Variants in SYT12 observed in about 807,000 individuals in gnomAD.
SYT12 encodes synaptotagmin-12.
In SYT12, 27 loss-of-function variants were observed where a neutral mutation model predicts 39.5. That is an observed-to-expected ratio of 0.68 (90% CI 0.50 to 0.94). The LOEUF is 0.94. Ranked by LOEUF, SYT12 falls within the 40% of genes least tolerant of loss-of-function variation. The pLI, the probability that SYT12 is intolerant of heterozygous loss-of-function variation, is 0.00. For synonymous variants in SYT12, 233 were observed against 239.7 expected (o/e 0.97, Z 0.26); for missense variants, 536 against 572.6 (o/e 0.94, Z 0.65).
At chr11:67,030,325 C>A in intron 2 of SYT12, 147 bp downstream of exon 2, 1 of 873,154 alleles carries the variant, frequency 1.1e-6, no homozygotes, top group South Asian at 1.7e-5. Context: ...TGCCCAAGGT[C>A]AGACAGCCCG....
Position 67,026,183 on chromosome 11 carries a change from G to A in SYT12, c.-24+2723G>A, listed in dbSNP as rs190140746. Among the ~76,000 whole-genome samples the A allele has an allele frequency of 1.9e-3, 286 of 152,330 alleles. 2 individuals carry two copies. Among genetic ancestry groups the A allele is most frequent in the African/African-American group, 6.6e-3 (276 of 41,564 alleles). On this transcript the variant is annotated intron_variant, in intron 1 of 7. Coordinates refer to ENST00000527043, the MANE Select transcript of SYT12 (RefSeq NM_177963.4). ...GAATGGAAGGATGGGAGCAGCCAGG[G>A]AAGGGGCAATGCCGACTTAGCTCCA...
intron 3 of SYT12, among the ~76,000 whole-genome samples, chr11:67,039,203 TG>T (rs1375573380): frequency 6.6e-6 from 1 of 151,756 alleles, no homozygotes; most frequent in Non-Finnish European, 1.5e-5. Context: ...CTCAGGAGGC[TG>T]AGGCAGGAGA....
chr11:67,034,532 C>T, intron 2 of SYT12, 113 bp from the exon 3 acceptor site: 1 of 895,064 alleles, frequency 1.1e-6, no homozygotes, highest in Non-Finnish European at 1.6e-6. Context: ...CAGCACCTAG[C>T]ACATAGTAGG....
At chr11:67,008,682 C>A (rs1463534166) in intron 1 of SYT12, among the ~76,000 whole-genome samples, 1 of 152,148 alleles carries the variant, frequency 6.6e-6, no homozygotes, top group Non-Finnish European at 1.5e-5. Context: ...TCCTGAGTAG[C>A]TGGAATTACA....
chr11:67,030,487 C>T (rs115737016), intron 2 of SYT12: 8 of 359,410 alleles, frequency 2.2e-5, no homozygotes, highest in Admixed American at 4.5e-5. Context: ...GCCTGTGACT[C>T]GGAATCCACT....
chr11:67,035,306 T>C (rs1242193440), intron 3 of SYT12, among the ~76,000 whole-genome samples: 1 of 151,452 alleles, frequency 6.6e-6, no homozygotes, highest in Non-Finnish European at 1.5e-5. Flanking sequence ...GGCCTGCTTT[T>C]TAACTGCTAA....
chr11:67,038,708 G>T (rs931543160), intron 3 of SYT12, among the ~76,000 whole-genome samples: 2 of 152,150 alleles, frequency 1.3e-5, no homozygotes, highest in African/African-American at 4.8e-5. Flanking sequence ...AAGTTGAAGG[G>T]CTGGGCGTGG....
At position 67,037,420 on chromosome 11, in the gene SYT12, A is replaced by C. The variant is rs146164671; in HGVS notation, c.229-2391A>C. Among the ~76,000 whole-genome samples the C allele has an allele frequency of 4.9e-3, 740 of 152,250 alleles. 2 individuals carry two copies. The highest frequency in any genetic ancestry group is 8.3e-3 in the Non-Finnish European group (564 of 68,012). ...GCAAAATTGGGGAACCATGAAAATTATGGTAAGCAGCCAGGTGCAGTGGCT... is the reference window on the plus strand; with the variant it reads ...GCAAAATTGGGGAACCATGAAAATTCTGGTAAGCAGCCAGGTGCAGTGGCT... On this transcript the variant is annotated intron_variant, in intron 3 of 7. Transcript: ENST00000527043.
chr11:67,020,013 C>A (rs1333236506), upstream of SYT12, among the ~76,000 whole-genome samples: 9 of 152,040 alleles, frequency 5.9e-5, no homozygotes, highest in Admixed American at 5.9e-4. Flanking sequence ...TCACTGACTC[C>A]ACGCACAGCA....
chr11:67,044,747 T>A, intron 6 of SYT12, 34 bp downstream of exon 6: 1 of 1,611,610 alleles, frequency 6.2e-7, no homozygotes, highest in Non-Finnish European at 8.5e-7. Flanking sequence ...CTCCTCCACG[T>A]AGCTCAGTGG....
At chr11:67,043,002 G>A (rs1394604442) in intron 4 of SYT12, among the ~76,000 whole-genome samples, 5 of 152,158 alleles carry the variant, frequency 3.3e-5, no homozygotes, top group South Asian at 2.1e-4. Context: ...GGATGAGAGC[G>A]CCTTTCTTTA....
At chr11:67,019,970 G>A (rs898827803), upstream of SYT12, among the ~76,000 whole-genome samples, 3 of 151,524 alleles carry the variant, frequency 2.0e-5, no homozygotes, top group Non-Finnish European at 2.9e-5. Context: ...GGCCTTGGGC[G>A]CCTTTTCTTT....
chr11:67,037,209 G>C (rs939995805), intron 3 of SYT12, among the ~76,000 whole-genome samples: 1 of 152,144 alleles, frequency 6.6e-6, no homozygotes, highest in African/African-American at 2.4e-5. Context: ...GTGCACTCTA[G>C]CCTGGGCAAC....
chr11:67,035,837 CCTTTCTTTCTTTCTTTCTTT>C (rs1157424282), intron 3 of SYT12, among the ~76,000 whole-genome samples: 4 of 111,144 alleles, frequency 3.6e-5, no homozygotes, highest in South Asian at 3.1e-4. Flanking sequence ...TTCCTTCCTT[CCTTTCTTTCTTTCTTTCTTT>C]CTTTCTTTCT....
chr11:67,044,639 C>A lies in SYT12; in HGVS notation c.884C>A (p.Pro295His). Residue 295 changes from proline (P) to histidine (H), a missense_variant, in exon 6 of 8, where the codon CCC (proline) becomes CAC (histidine). Pro to His is a moderately conservative substitution (Grantham distance 77). Transcript: ENST00000527043. ...GEILLSLSYL[P>H]TAERLTVVVV... ...ATCCTGCTCTCCCTCAGCTACCTCC[C>A]CACAGCCGAGCGCCTCACCGTGGTC... 3.1e-6 allele frequency: 5 copies of A among 1,613,588 alleles called. No homozygotes were observed. Among genetic ancestry groups the A allele is most frequent in the Non-Finnish European group, 3.4e-6 (4 of 1,180,002 alleles).
chr11:67,015,442 A>G (rs896997564), intron 3 of SYT12, among the ~76,000 whole-genome samples: 3 of 152,130 alleles, frequency 2.0e-5, no homozygotes, highest in African/African-American at 7.2e-5. Flanking sequence ...TCCAGGGGCC[A>G]CATCTTTACC....
chr11:67,014,331 G>A (rs929505157), intron 3 of SYT12, among the ~76,000 whole-genome samples: 6 of 152,202 alleles, frequency 3.9e-5, no homozygotes, highest in Non-Finnish European at 7.3e-5. Flanking sequence ...CATGGAAAGT[G>A]CTCATTGGAA....
At chr11:67,041,003 AT>A (rs1198557394) in intron 4 of SYT12, among the ~76,000 whole-genome samples, 5 of 151,910 alleles carry the variant, frequency 3.3e-5, no homozygotes, top group Non-Finnish European at 7.4e-5. Flanking sequence ...ACCAAAAAAA[AT>A]AAAATAAAAT....
chr11:67,007,853 T>G (rs1397072846), intron 1 of SYT12, among the ~76,000 whole-genome samples: 19 of 151,816 alleles, frequency 1.3e-4, no homozygotes. Context: ...TGTGAGCCAC[T>G]GCACCCGGGC....
Sources: gnomAD v4.1 joint callset for allele counts (sites outside exome capture counted in the v4.1 genomes callset) on GRCh38, gnomAD v4.1.1 for gene constraint, MANE v1.5 for transcripts, NCBI Gene and HGNC (gene_info 2026-07-23, HGNC 2026-07-21) for gene names.